ISM1: variants seen among roughly 807,000 people sequenced by gnomAD.
ISM1 encodes the protein isthmin-1.
In ISM1, 25 loss-of-function variants were observed where a neutral mutation model predicts 46.3. The ratio of observed to expected loss-of-function variants is 0.54; its 90% confidence interval spans 0.39 to 0.75. The LOEUF (loss-of-function observed/expected upper bound fraction) is 0.75. Ranked by LOEUF, ISM1 falls within the 30% of genes least tolerant of loss-of-function variation. The pLI is 0.00. For missense variants in ISM1, 536 were observed against 625.4 expected, an observed-to-expected ratio of 0.86 and a Z score of 1.52; for synonymous variants, 255 against 256.7, an observed-to-expected ratio of 0.99 and a Z score of 0.06.
intron 1 of ISM1, among the ~76,000 whole-genome samples, chr20:13,253,132 G>C (rs147905440): frequency 6.6e-6 from 1 of 152,168 alleles, no homozygotes; most frequent in Admixed American, 6.5e-5. Context: ...AAGCAGACCT[G>C]GCAAAGCTAG....
At chr20:13,302,386 G>A (rs1239183682), downstream of ISM1, among the ~76,000 whole-genome samples, 5 of 152,186 alleles carry the variant, frequency 3.3e-5, no homozygotes, top group African/African-American at 1.2e-4. Flanking sequence ...CCTCTATTAG[G>A]ATGAGCTAAT....
chr20:13,244,914 C>T (rs1207772923), intron 1 of ISM1, among the ~76,000 whole-genome samples: 1 of 152,306 alleles, frequency 6.6e-6, no homozygotes, highest in African/African-American at 2.4e-5. Context: ...TGAAATTGAA[C>T]ATCAGGTCAT....
chr20:13,269,934 A>AGTATGGATGGAT (rs2123250128), intron 1 of ISM1, among the ~76,000 whole-genome samples: 1 of 149,910 alleles, frequency 6.7e-6, no homozygotes, highest in East Asian at 2.0e-4. Flanking sequence ...TGTGGGTGGA[A>AGTATGGATGGAT]GGATGGATGG....
intron 1 of ISM1, among the ~76,000 whole-genome samples, chr20:13,225,798 T>A (rs2039517587): frequency 6.6e-6 from 1 of 152,214 alleles, no homozygotes; most frequent in African/African-American, 2.4e-5. Context: ...TTAGAATAAG[T>A]TTGTCTCATA....
intron 3 of ISM1, among the ~76,000 whole-genome samples, chr20:13,287,562 A>G (rs1385472946): frequency 1.3e-5 from 2 of 152,044 alleles, no homozygotes; most frequent in Non-Finnish European, 1.5e-5. Context: ...CCACTCATCA[A>G]TTTCTAACAT....
the ISM1 span, among the ~76,000 whole-genome samples, chr20:13,323,907 A>T: frequency 6.6e-6 from 1 of 152,200 alleles, no homozygotes; most frequent in South Asian, 2.1e-4. Flanking sequence ...AATTGTTAAT[A>T]GCCTGAATGA....
intron 5 of ISM1, among the ~76,000 whole-genome samples, chr20:13,295,128 C>A (rs1484048778): frequency 6.6e-6 from 1 of 152,196 alleles, no homozygotes; most frequent in Non-Finnish European, 1.5e-5. Context: ...GAGCTGGAGT[C>A]ACTGCTGATG....
At chr20:13,238,739 A>C (rs1208467792) in intron 1 of ISM1, among the ~76,000 whole-genome samples, 1 of 152,220 alleles carries the variant, frequency 6.6e-6, no homozygotes, top group African/African-American at 2.4e-5. Context: ...CACATCTACG[A>C]TCAAAATGAC....
chr20:13,239,635 A>G (rs1327816997), intron 1 of ISM1: 2 of 152,188 alleles, frequency 1.3e-5, no homozygotes, highest in South Asian at 2.1e-4. Flanking sequence ...CCCAGGTTGG[A>G]CCGGGGCTTC....
chr20:13,326,300 C>T, the ISM1 span, among the ~76,000 whole-genome samples: 1 of 152,102 alleles, frequency 6.6e-6, no homozygotes, highest in African/African-American at 2.4e-5. Context: ...TTTATGTGCA[C>T]CTAAGATTTC....
At chr20:13,237,597 G>C (rs2039666587) in intron 1 of ISM1, among the ~76,000 whole-genome samples, 1 of 152,140 alleles carries the variant, frequency 6.6e-6, no homozygotes, top group Admixed American at 6.5e-5. Flanking sequence ...CTAGGGTGCT[G>C]GTAATGTTTT....
downstream of ISM1, among the ~76,000 whole-genome samples, chr20:13,301,982 T>A (rs930674269): frequency 2.0e-5 from 3 of 152,156 alleles, no homozygotes; most frequent in Non-Finnish European, 4.4e-5. Context: ...GGGAAGTGGG[T>A]GTATTTGTAA....
the ISM1 span, among the ~76,000 whole-genome samples, chr20:13,322,213 C>G: frequency 6.6e-6 from 1 of 152,150 alleles, no homozygotes; most frequent in African/African-American, 2.4e-5. Context: ...TTTTTAGGTC[C>G]AAGCATTTCT....
the ISM1 span, among the ~76,000 whole-genome samples, chr20:13,315,673 T>G: frequency 6.6e-6 from 1 of 151,984 alleles, no homozygotes; most frequent in East Asian, 1.9e-4. Flanking sequence ...TATAGCCTAC[T>G]TCATCCAACA....
intron 1 of ISM1, among the ~76,000 whole-genome samples, chr20:13,225,118 G>T (rs2039506222): frequency 6.6e-6 from 1 of 151,856 alleles, no homozygotes; most frequent in Non-Finnish European, 1.5e-5. Flanking sequence ...CTCCCAAAGT[G>T]CTGGGATTAC....
chr20:13,246,988 C>G (rs1239495800), intron 1 of ISM1, among the ~76,000 whole-genome samples: 2 of 151,988 alleles, frequency 1.3e-5, no homozygotes, highest in East Asian at 3.9e-4. Flanking sequence ...GTAATCCCAG[C>G]ACTTTGGGAG....
At chr20:13,273,095 T>C (rs2040134486) in intron 2 of ISM1, among the ~76,000 whole-genome samples, 2 of 152,204 alleles carry the variant, frequency 1.3e-5, no homozygotes, top group African/African-American at 4.8e-5. Context: ...TGGAAAGTTA[T>C]TGGCTGCTTT....
intron 3 of ISM1, among the ~76,000 whole-genome samples, chr20:13,287,713 C>G (rs2040309519): frequency 6.6e-6 from 1 of 152,118 alleles, no homozygotes; most frequent in Admixed American, 6.5e-5. Flanking sequence ...GCCTGACATA[C>G]AAAAAGGGTT....
At chr20:13,320,541 G>A in the ISM1 span, among the ~76,000 whole-genome samples, 1 of 152,188 alleles carries the variant, frequency 6.6e-6, no homozygotes, top group Non-Finnish European at 1.5e-5. Flanking sequence ...CAAATATTAA[G>A]GGAGGATGCT....
Sources: allele counts gnomAD v4.1 joint callset (sites outside exome capture counted in the v4.1 genomes callset), GRCh38; gene constraint gnomAD v4.1.1; transcripts MANE v1.5; gene names NCBI Gene and HGNC (gene_info 2026-07-23, HGNC 2026-07-21).